RFC1: variants seen among roughly 807,000 people sequenced by gnomAD.
RFC1 encodes the protein replication factor C subunit 1, also known as A1 140 kDa subunit.
RFC1 carries 37 observed loss-of-function variants against 137.4 expected under a neutral mutation model. That is an observed-to-expected ratio of 0.27 (90% CI 0.21 to 0.35). The LOEUF (loss-of-function observed/expected upper bound fraction) is 0.35, where lower values mean the gene tolerates loss of function less well. RFC1 is among the 10% of genes least tolerant of loss of function. The pLI is 1.00. For missense variants in RFC1, 1,205 were observed against 1,358.5 expected (o/e 0.89, Z 1.78); for synonymous variants, 429 against 455.7 (o/e 0.94, Z 0.75).
chr4:39,327,605 T>C lies in RFC1; in HGVS notation c.483A>G (p.Thr161=). ...KNKPLSPIKL[T]PTSVLDYFGT... The stretch of plus-strand genomic sequence containing the variant: ...CAAAATAATCAAGTACTGATGTGGG[T>C]GTAAGTTTTATTGGTGATAAAGGCT... Residue 161 remains threonine, a synonymous_variant, in exon 5 of 25, where the codon ACA becomes ACG. Transcript: ENST00000349703. 3.7e-6 allele frequency: 6 copies of C among 1,613,796 alleles called. No individual in the cohort carries two copies. The highest frequency in any genetic ancestry group is 5.1e-6 in the Non-Finnish European group (6 of 1,179,850).
chr4:39,313,262 T>A (rs1175052768), intron 10 of RFC1, among the ~76,000 whole-genome samples: 1 of 152,232 alleles, frequency 6.6e-6, no homozygotes, highest in African/African-American at 2.4e-5. Context: ...TGCATAACTA[T>A]AAATAAACAA....
At chr4:39,300,745 T>A (rs1738311438) in intron 19 of RFC1, among the ~76,000 whole-genome samples, 1 of 152,122 alleles carries the variant, frequency 6.6e-6, no homozygotes, top group Non-Finnish European at 1.5e-5. Context: ...TGTGGTACAT[T>A]CACACAATGT....
chr4:39,327,060 C>T (rs1053252976), intron 5 of RFC1, among the ~76,000 whole-genome samples: 1 of 152,162 alleles, frequency 6.6e-6, no homozygotes, highest in East Asian at 1.9e-4. Context: ...GGACTACTTT[C>T]ACCATAATTT....
chr4:39,303,099 TA>T lies in RFC1; in HGVS notation c.2162del (p.Val721GlufsTer16), dbSNP rs749151231. 6.2e-7 allele frequency: 1 copy of T among 1,614,006 alleles called. No homozygotes were observed. The highest frequency in any genetic ancestry group is 8.5e-7 in the Non-Finnish European group (1 of 1,179,910). On this transcript the variant is annotated frameshift_variant, in exon 16 of 25. Transcript: ENST00000349703. LOFTEE classifies it high-confidence loss of function. ...TATCCTCATTGCCTGCCATGCCATC[TA>T]CTTCATCCATGATGAGAGCATGTTT... ...STKHALIMDEVDGMAGNEDRG... is the reference protein window; with the variant it reads ...STKHALIMDEXDGMAGNEDRG...
Position 39,342,431 on chromosome 4 carries a change from G to T in RFC1, c.245C>A (p.Ala82Asp). The change falls in exon 4 of 25, where the codon GCC becomes GAC. Residue 82 changes from alanine (A) to aspartate (D), a missense_variant. Transcript: ENST00000349703. ...ESEETLQVKNAKKPPEKLPVS... is the reference protein window; with the variant it reads ...ESEETLQVKNDKKPPEKLPVS... Reference sequence around the variant, plus strand: ...TGGCAGTTTTTCTGGTGGCTTTTTGGCATTTTTTACCTGCAACGTCTCCTC... The same window carrying T: ...TGGCAGTTTTTCTGGTGGCTTTTTGTCATTTTTTACCTGCAACGTCTCCTC... 6.2e-7 allele frequency: 1 copy of T among 1,612,942 alleles called. No homozygotes were observed. The highest frequency in any genetic ancestry group is 1.1e-5 in the South Asian group (1 of 91,052).
intron 15 of RFC1, among the ~76,000 whole-genome samples, chr4:39,304,381 C>T (rs1253819237): frequency 6.6e-6 from 1 of 152,176 alleles, no homozygotes; most frequent in Admixed American, 6.5e-5. Flanking sequence ...ATTATCACCC[C>T]TTTAACTCAA....
chr4:39,316,139 A>G (rs571160202), intron 10 of RFC1, among the ~76,000 whole-genome samples: 2 of 152,360 alleles, frequency 1.3e-5, no homozygotes, highest in East Asian at 3.9e-4. Flanking sequence ...CTGAGGCAGG[A>G]GAATCGCTTG....
chr4:39,308,171 T>C (rs1738779801), intron 13 of RFC1, among the ~76,000 whole-genome samples: 1 of 152,154 alleles, frequency 6.6e-6, no homozygotes, highest in African/African-American at 2.4e-5. Flanking sequence ...CCTAGTGCCC[T>C]TGCCACTCAG....
At chr4:39,295,545 G>C in intron 22 of RFC1, 69 bp downstream of exon 22, 1 of 1,278,920 alleles carries the variant, frequency 7.8e-7, no homozygotes, top group Non-Finnish European at 1.1e-6. Context: ...TGACTCACAT[G>C]ATCATTACTG....
chr4:39,306,565 C>G (rs761384760), intron 14 of RFC1, 27 bp downstream of exon 14: 5 of 1,291,980 alleles, frequency 3.9e-6, no homozygotes, highest in Non-Finnish European at 5.6e-6. Flanking sequence ...GGTTATCTGT[C>G]CGACCACACT....
At chr4:39,342,272 T>G in intron 4 of RFC1, 73 bp downstream of exon 4, 2 of 1,461,858 alleles carry the variant, frequency 1.4e-6, no homozygotes, top group East Asian at 2.5e-5. Context: ...GTGAAGGAGG[T>G]ACATTTAGAC....
chr4:39,340,799 C>G (rs1395141024), intron 4 of RFC1, among the ~76,000 whole-genome samples: 1 of 152,044 alleles, frequency 6.6e-6, no homozygotes, highest in African/African-American at 2.4e-5. Flanking sequence ...AGCTTCTTCC[C>G]TACATCTCAA....
At position 39,360,229 on chromosome 4, in the gene RFC1, G is replaced by A. The variant is rs912220307; in HGVS notation, c.3+6010C>T. ...AAAAATACAAAAATCGGCCAGGTGC[G>A]GTGGCTCACCCCTGTAATCCCAGCA... is the stretch of plus-strand genomic sequence containing the variant. On this transcript the variant is annotated intron_variant, in intron 1 of 24. Transcript: ENST00000349703. 9.2e-5 allele frequency among the ~76,000 whole-genome samples: 14 copies of A among 151,904 alleles called. No individual in the cohort carries two copies. The South Asian group carries it at 1.7e-3, about 18-fold the overall frequency.
intron 2 of RFC1, among the ~76,000 whole-genome samples, chr4:39,347,971 A>T (rs180731304): frequency 6.6e-6 from 1 of 152,270 alleles, no homozygotes; most frequent in East Asian, 1.9e-4. Context: ...AGCTGAGGAG[A>T]TTTCAAAGCA....
chr4:39,350,767 A>G (rs905511356), intron 2 of RFC1, among the ~76,000 whole-genome samples: 1 of 152,262 alleles, frequency 6.6e-6, no homozygotes, highest in African/African-American at 2.4e-5. Context: ...AGAAAATGAT[A>G]TTAGACGAAA....
rs529602483 is a variant in RFC1 at position 39,322,712 on chromosome 4, G to C, written c.720+628C>G. 2.0e-4 allele frequency among the ~76,000 whole-genome samples: 31 copies of C among 151,606 alleles called. 1 individual carries two copies. The highest frequency in any genetic ancestry group is 7.0e-4 in the African/African-American group (29 of 41,302). On this transcript the variant is annotated intron_variant, in intron 7 of 24. Coordinates refer to ENST00000349703, the MANE Select transcript of RFC1 (RefSeq NM_002913.5). ...GAGGATAGCTTGAGCCCATGAGTTC[G>C]AGGCTTCAGTGTGCTATGAACGTGC...
At chr4:39,310,172 C>A (rs17288370) in intron 12 of RFC1, among the ~76,000 whole-genome samples, 2 of 152,008 alleles carry the variant, frequency 1.3e-5, no homozygotes, top group Admixed American at 6.6e-5. Context: ...CATCACAGAT[C>A]CAAACTGAGA....
At position 39,321,336 on chromosome 4, in the gene RFC1, A is replaced by G. The variant is rs747147407; in HGVS notation, c.759T>C (p.Ser253=). The G allele has an allele frequency of 2.5e-6, 4 of 1,613,762 alleles. No individual in the cohort carries two copies. In the African/African-American group the frequency reaches 4.0e-5, roughly 16 times the overall value. Residue 253 remains serine (S), a synonymous_variant, in exon 8 of 25, where the codon TCT becomes TCC. Transcript: ENST00000349703. ...KDTEAGETFS[S]VQANLSKAEK... ...CTGCTTTACTTAAATTGGCTTGGAC[A>G]GATGAAAACGTTTCTCCCGCTTCTG...
At chr4:39,290,067 TA>T in intron 23 of RFC1, 28 bp from the exon 24 acceptor site, 1 of 1,524,416 alleles carries the variant, frequency 6.6e-7, no homozygotes, top group Non-Finnish European at 9.0e-7. Context: ...ATGGAGTTTT[TA>T]AAAATCTAAG....
Sources: allele counts gnomAD v4.1 joint callset (sites outside exome capture counted in the v4.1 genomes callset), GRCh38; gene constraint gnomAD v4.1.1; transcripts MANE v1.5; gene names NCBI Gene and HGNC (gene_info 2026-07-23, HGNC 2026-07-21).